SAMSN1: variants seen among roughly 807,000 people sequenced by gnomAD.
SAMSN1 encodes the protein SAM domain, SH3 domain and nuclear localization signals 1.
A neutral mutation model predicts 42.0 loss-of-function variants in SAMSN1; 31 were observed. The observed-to-expected ratio is 0.74, with a 90% CI of 0.55 to 1.00. The LOEUF is 1.00. SAMSN1 is among the 50% of genes least tolerant of loss of function. The probability of loss-of-function intolerance (pLI) is 0.00; values close to 1 mark genes in which losing one functional copy is unlikely to be tolerated. For synonymous variants in SAMSN1, 178 were observed against 151.9 expected (o/e 1.17, Z -1.26); for missense variants, 464 against 439.4 (o/e 1.06, Z -0.50).
At chr21:14,581,989 T>C in intron 2 of SAMSN1, 2 of 643,584 alleles carry the variant, frequency 3.1e-6, no homozygotes, top group Non-Finnish European at 2.5e-6. Context: ...CACAAGAGTT[T>C]GGTTGCTTTT....
intron 1 of SAMSN1, among the ~76,000 whole-genome samples, chr21:14,647,501 A>G (rs1983739597): frequency 6.7e-6 from 1 of 149,112 alleles, no homozygotes; most frequent in South Asian, 2.2e-4. Context: ...ACTTTAAAGT[A>G]GTTTTTTCCA....
At chr21:14,563,508 G>A (rs2123203498) in intron 2 of SAMSN1, among the ~76,000 whole-genome samples, 1 of 152,246 alleles carries the variant, frequency 6.6e-6, no homozygotes. Context: ...ATTTGGGAAA[G>A]TTAAGGCTCA....
At chr21:14,608,800 CT>C in intron 5 of SAMSN1, among the ~76,000 whole-genome samples, 1 of 152,282 alleles carries the variant, frequency 6.6e-6, no homozygotes. Context: ...AATTTCTAGA[CT>C]CTTGAATCAT....
intron 2 of SAMSN1, among the ~76,000 whole-genome samples, chr21:14,640,024 C>A (rs1983556032): frequency 6.6e-6 from 1 of 152,174 alleles, no homozygotes; most frequent in East Asian, 1.9e-4. Context: ...AAATAAACCT[C>A]TTTCTGTTCA....
chr21:14,510,093 T>C (rs112978357), intron 5 of SAMSN1, among the ~76,000 whole-genome samples: 8,882 of 150,508 alleles, frequency 0.059, 812 homozygotes, highest in African/African-American at 0.2. Flanking sequence ...GAGTGGAGAT[T>C]GCGCCACTGC....
intron 1 of SAMSN1, among the ~76,000 whole-genome samples, chr21:14,521,831 A>G (rs959273681): frequency 6.6e-6 from 1 of 152,126 alleles, no homozygotes; most frequent in Non-Finnish European, 1.5e-5. Flanking sequence ...CTTATGTAAC[A>G]AACCTGTACA....
At chr21:14,589,882 T>C (rs772639170) in intron 7 of SAMSN1, among the ~76,000 whole-genome samples, 7 of 152,174 alleles carry the variant, frequency 4.6e-5, no homozygotes, top group Admixed American at 3.3e-4. Flanking sequence ...AAATAACAAA[T>C]CCTAATAACC....
intron 1 of SAMSN1, among the ~76,000 whole-genome samples, chr21:14,528,926 C>G (rs908014204): frequency 1.3e-5 from 2 of 152,118 alleles, no homozygotes; most frequent in African/African-American, 4.8e-5. Context: ...AACACAATCC[C>G]CCTCTGAGTT....
intron 2 of SAMSN1, among the ~76,000 whole-genome samples, chr21:14,552,927 A>C (rs757647398): frequency 3.9e-5 from 6 of 152,018 alleles, no homozygotes; most frequent in Non-Finnish European, 7.4e-5. Context: ...ATGTCATTTA[A>C]AGTTTTGCAA....
chr21:14,560,479 C>T (rs1980909866), intron 2 of SAMSN1, among the ~76,000 whole-genome samples: 1 of 152,154 alleles, frequency 6.6e-6, no homozygotes, highest in Non-Finnish European at 1.5e-5. Flanking sequence ...CAAAACATGT[C>T]TCTTTCTTTG....
chr21:14,630,773 A>G (rs911585753), intron 2 of SAMSN1, among the ~76,000 whole-genome samples: 3 of 152,204 alleles, frequency 2.0e-5, no homozygotes, highest in Non-Finnish European at 2.9e-5. Flanking sequence ...CCTCTTGTCC[A>G]TAGTTTGATG....
chr21:14,597,902 G>A (rs1982317772), intron 6 of SAMSN1: 1 of 152,076 alleles, frequency 6.6e-6, no homozygotes, highest in African/African-American at 2.4e-5. Flanking sequence ...ATGAGACTCT[G>A]CCTTATTTTT....
intron 6 of SAMSN1, among the ~76,000 whole-genome samples, chr21:14,597,460 G>A (rs1224594939): frequency 1.3e-5 from 2 of 152,048 alleles, no homozygotes; most frequent in Non-Finnish European, 2.9e-5. Flanking sequence ...TCTAAATGCT[G>A]GTTACACTAC....
chr21:14,646,967 C>G (rs947721383), intron 1 of SAMSN1, among the ~76,000 whole-genome samples: 1 of 152,104 alleles, frequency 6.6e-6, no homozygotes, highest in Non-Finnish European at 1.5e-5. Context: ...CAGACAAAGT[C>G]ACCTTCACTA....
At chr21:14,587,499 A>G (rs976343161), upstream of SAMSN1, among the ~76,000 whole-genome samples, 2 of 152,036 alleles carry the variant, frequency 1.3e-5, no homozygotes, top group African/African-American at 4.8e-5. Flanking sequence ...TATAACTCCT[A>G]TATGCTGACA....
chr21:14,649,450 TTA>T (rs1324201251), intron 1 of SAMSN1, among the ~76,000 whole-genome samples: 1 of 150,622 alleles, frequency 6.6e-6, no homozygotes, highest in African/African-American at 2.4e-5. Flanking sequence ...TTAAAAAAAG[TTA>T]TGAAAAAAAT....
chr21:14,506,946 A>T (rs1362350895), intron 5 of SAMSN1, among the ~76,000 whole-genome samples: 1 of 152,242 alleles, frequency 6.6e-6, no homozygotes, highest in Non-Finnish European at 1.5e-5. Flanking sequence ...CAAAAATCAC[A>T]TGATCATCTC....
At chr21:14,507,162 C>T (rs61095889) in intron 5 of SAMSN1, among the ~76,000 whole-genome samples, 6,441 of 152,164 alleles carry the variant, frequency 0.042, 444 homozygotes, top group African/African-American at 0.15. Context: ...CACCATTCCT[C>T]TTCAACACAG....
intron 7 of SAMSN1, among the ~76,000 whole-genome samples, chr21:14,497,086 A>C: frequency 6.6e-6 from 1 of 152,118 alleles, no homozygotes; most frequent in Admixed American, 6.5e-5. Context: ...ATAACACAGC[A>C]GCACATACAT....
Sources: allele counts gnomAD v4.1 joint callset (sites outside exome capture counted in the v4.1 genomes callset), GRCh38; gene constraint gnomAD v4.1.1; transcripts MANE v1.5; gene names NCBI Gene and HGNC (gene_info 2026-07-23, HGNC 2026-07-21).